Variants in GALNT13 observed in about 807,000 individuals in gnomAD.
GALNT13 encodes the protein polypeptide N-acetylgalactosaminyltransferase 13.
GALNT13 carries 28 observed loss-of-function variants against 64.2 expected under a neutral mutation model. That is an observed-to-expected ratio of 0.44 (90% CI 0.32 to 0.60). GALNT13 has a LOEUF of 0.60. Among genes scored for constraint, GALNT13 ranks in the 20% least tolerant of loss-of-function variants. The pLI is 0.05. For synonymous variants in GALNT13, 214 were observed against 224.6 expected (o/e 0.95, Z 0.42); for missense variants, 577 against 669.8 (o/e 0.86, Z 1.53).
At chr2:153,471,605 G>C in the GALNT13 span, among the ~76,000 whole-genome samples, 1 of 152,050 alleles carries the variant, frequency 6.6e-6, no homozygotes, top group East Asian at 1.9e-4. Context: ...TACTTGATAG[G>C]TTCTTTTCGT....
intron 4 of GALNT13, among the ~76,000 whole-genome samples, chr2:154,239,412 A>G (rs1362894935): frequency 6.6e-6 from 1 of 151,700 alleles, no homozygotes; most frequent in Admixed American, 6.6e-5. Context: ...TTCTAGTTGT[A>G]CTTCTTTGAG....
the GALNT13 span, among the ~76,000 whole-genome samples, chr2:153,105,169 C>T: frequency 4.6e-5 from 7 of 151,392 alleles, 1 homozygote; most frequent in Middle Eastern, 3.4e-3. Flanking sequence ...AAAAGCTTAT[C>T]CACCATGATC....
At chr2:154,038,566 G>A (rs750250957) in intron 3 of GALNT13, among the ~76,000 whole-genome samples, 13 of 152,086 alleles carry the variant, frequency 8.5e-5, no homozygotes, top group Non-Finnish European at 1.6e-4. Context: ...ATGCATGCAA[G>A]ACAACGTAAG....
chr2:154,410,394 T>C (rs1434747217), intron 11 of GALNT13, among the ~76,000 whole-genome samples: 1 of 151,982 alleles, frequency 6.6e-6, no homozygotes, highest in Non-Finnish European at 1.5e-5. Context: ...TTTATGTCTT[T>C]CCATTCTTTA....
chr2:154,372,139 T>G (rs532036176), intron 9 of GALNT13, among the ~76,000 whole-genome samples: 11 of 152,174 alleles, frequency 7.2e-5, no homozygotes, highest in African/African-American at 2.6e-4. Context: ...TCATAAAAAA[T>G]TAGCCTTTTC....
At chr2:153,864,642 G>C in the GALNT13 span, among the ~76,000 whole-genome samples, 1 of 152,012 alleles carries the variant, frequency 6.6e-6, no homozygotes, top group African/African-American at 2.4e-5. Context: ...ACAAACCACT[G>C]CTCAAAGAAA....
the GALNT13 span, among the ~76,000 whole-genome samples, chr2:153,170,062 A>C: frequency 2.0e-5 from 3 of 152,212 alleles, no homozygotes; most frequent in African/African-American, 7.2e-5. Flanking sequence ...CTAATTTATA[A>C]AATCCCATTA....
chr2:154,399,128 G>A (rs1184326793), intron 10 of GALNT13, among the ~76,000 whole-genome samples: 3 of 152,128 alleles, frequency 2.0e-5, no homozygotes, highest in Admixed American at 6.6e-5. Flanking sequence ...AAATAACTAA[G>A]AGCATGAAGC....
chr2:154,159,213 C>A (rs972412257), intron 4 of GALNT13, among the ~76,000 whole-genome samples: 1 of 152,116 alleles, frequency 6.6e-6, no homozygotes, highest in African/African-American at 2.4e-5. Context: ...TGGCTCACAG[C>A]AACCTCCTCC....
chr2:154,025,986 T>C (rs965843079), intron 3 of GALNT13, among the ~76,000 whole-genome samples: 2 of 152,102 alleles, frequency 1.3e-5, no homozygotes, highest in African/African-American at 4.8e-5. Context: ...AGTGAAGGCT[T>C]ACTTGCCATT....
At chr2:154,106,319 A>G (rs1702613471) in intron 3 of GALNT13, among the ~76,000 whole-genome samples, 1 of 152,090 alleles carries the variant, frequency 6.6e-6, no homozygotes, top group Non-Finnish European at 1.5e-5. Flanking sequence ...GCATTTTTAT[A>G]TTTTAGTTTA....
intron 3 of GALNT13, among the ~76,000 whole-genome samples, chr2:153,959,817 A>G (rs1439102429): frequency 2.0e-5 from 3 of 151,922 alleles, no homozygotes; most frequent in Non-Finnish European, 4.4e-5. Flanking sequence ...ACCAGATGGC[A>G]CTATGGCTGC....
intron 3 of GALNT13, among the ~76,000 whole-genome samples, chr2:154,029,798 A>G (rs528276076): frequency 5.3e-5 from 8 of 152,202 alleles, no homozygotes; most frequent in African/African-American, 1.9e-4. Context: ...TAAAGACTCA[A>G]ATGGAAAAAG....
intron 11 of GALNT13, among the ~76,000 whole-genome samples, chr2:154,421,807 TATAG>T (rs948752600): frequency 2.8e-4 from 42 of 152,174 alleles, no homozygotes; most frequent in Admixed American, 7.9e-4. Flanking sequence ...ATATATTTGT[TATAG>T]ATAGATATCG....
the GALNT13 span, among the ~76,000 whole-genome samples, chr2:153,797,144 T>C: frequency 6.6e-6 from 1 of 152,198 alleles, no homozygotes; most frequent in Non-Finnish European, 1.5e-5. Flanking sequence ...CGTCAGCAGA[T>C]GTAGAAGACA....
the GALNT13 span, among the ~76,000 whole-genome samples, chr2:153,635,341 C>A: frequency 2.7e-5 from 4 of 147,818 alleles, no homozygotes; most frequent in South Asian, 8.5e-4. Context: ...GTATTTGCAA[C>A]CAAGAAACTT....
chr2:153,153,484 G>A, the GALNT13 span, among the ~76,000 whole-genome samples: 1 of 152,038 alleles, frequency 6.6e-6, no homozygotes, highest in Admixed American at 6.6e-5. Context: ...GTCCTGAATA[G>A]TATTGCCTAG....
intron 3 of GALNT13, among the ~76,000 whole-genome samples, chr2:154,074,625 A>G (rs184321772): frequency 1.1e-4 from 17 of 151,984 alleles, no homozygotes; most frequent in African/African-American, 3.9e-4. Flanking sequence ...TCTGGTAGAG[A>G]TACAACAAAA....
At chr2:153,699,491 G>A in the GALNT13 span, among the ~76,000 whole-genome samples, 1 of 151,974 alleles carries the variant, frequency 6.6e-6, no homozygotes, top group African/African-American at 2.4e-5. Context: ...ACTAAGGTCA[G>A]AGCAGAACTC....
Sources: gnomAD v4.1 joint callset for allele counts (sites outside exome capture counted in the v4.1 genomes callset) on GRCh38, gnomAD v4.1.1 for gene constraint, MANE v1.5 for transcripts, NCBI Gene and HGNC (gene_info 2026-07-23, HGNC 2026-07-21) for gene names.